Variants in AKAP13 observed in about 807,000 individuals in gnomAD.
AKAP13 encodes A-kinase anchor protein 13.
AKAP13 carries 80 observed loss-of-function variants against 264.5 expected under a neutral mutation model. The observed-to-expected ratio is 0.30, with a 90% CI of 0.25 to 0.36. The LOEUF (loss-of-function observed/expected upper bound fraction) is 0.36. AKAP13 is among the 10% of genes least tolerant of loss of function. AKAP13 has a pLI of 1.00. For missense variants in AKAP13, 3,712 were observed against 3,435.2 expected (o/e 1.08, Z -2.01); for synonymous variants, 1,380 against 1,250.2 (o/e 1.10, Z -2.19).
chr15:85,475,962 T>A (rs2075149473), intron 1 of AKAP13, among the ~76,000 whole-genome samples: 1 of 152,028 alleles, frequency 6.6e-6, no homozygotes, highest in Admixed American at 6.5e-5. Context: ...ACAGGAGACA[T>A]CTGCAATGCA....
At chr15:85,451,751 G>T (rs1225507415) in intron 1 of AKAP13, among the ~76,000 whole-genome samples, 1 of 152,190 alleles carries the variant, frequency 6.6e-6, no homozygotes, top group African/African-American at 2.4e-5. Flanking sequence ...GCCTGATGGG[G>T]ATCCCTTTGC....
chr15:85,733,314 A>G (rs73454485), intron 30 of AKAP13, among the ~76,000 whole-genome samples: 5,155 of 152,144 alleles, frequency 0.034, 280 homozygotes, highest in African/African-American at 0.12. Flanking sequence ...TTTCTGGCAT[A>G]AAGTATTGCC....
intron 3 of AKAP13, among the ~76,000 whole-genome samples, chr15:85,525,722 G>A (rs1381134062): frequency 6.6e-6 from 1 of 152,108 alleles, no homozygotes; most frequent in Non-Finnish European, 1.5e-5. Context: ...TTCCTCTAAA[G>A]CTGAGATTTG....
At chr15:85,404,205 A>G (rs113615900) in intron 1 of AKAP13, among the ~76,000 whole-genome samples, 17 of 152,226 alleles carry the variant, frequency 1.1e-4, no homozygotes, top group Admixed American at 3.3e-4. Flanking sequence ...GATAAGGTCA[A>G]TAGCATAGTT....
chr15:85,635,221 A>G (rs2082020855), intron 8 of AKAP13: 3 of 396,828 alleles, frequency 7.6e-6, no homozygotes, highest in African/African-American at 2.1e-5. Context: ...ATCTTTGCCA[A>G]CATTTGGTAT....
chr15:85,549,919 C>CTGATTGAT (rs199697951), intron 5 of AKAP13, among the ~76,000 whole-genome samples: 4 of 151,972 alleles, frequency 2.6e-5, no homozygotes, highest in African/African-American at 9.7e-5. Context: ...ATTGTCATCT[C>CTGATTGAT]TGATTGATTG....
chr15:85,441,319 A>C (rs2073644420), intron 1 of AKAP13, among the ~76,000 whole-genome samples: 2 of 152,064 alleles, frequency 1.3e-5, no homozygotes, highest in South Asian at 4.2e-4. Flanking sequence ...GTGTCTGTTC[A>C]AACCTTTTGC....
chr15:85,684,074 T>C (rs1435000470), intron 15 of AKAP13, among the ~76,000 whole-genome samples: 1 of 152,212 alleles, frequency 6.6e-6, no homozygotes, highest in Non-Finnish European at 1.5e-5. Flanking sequence ...AGTCATAAGA[T>C]TCCTTGGTTT....
chr15:85,635,412 CT>C (rs1222398499), intron 8 of AKAP13, among the ~76,000 whole-genome samples: 1 of 151,946 alleles, frequency 6.6e-6, no homozygotes, highest in East Asian at 1.9e-4. Context: ...AATCATGTTG[CT>C]TTGTTACTGC....
chr15:85,403,548 A>C (rs1367749208), intron 1 of AKAP13, among the ~76,000 whole-genome samples: 1 of 152,146 alleles, frequency 6.6e-6, no homozygotes, highest in Admixed American at 6.5e-5. Context: ...AGCATTTAAA[A>C]GCTGATGTGA....
intron 2 of AKAP13, among the ~76,000 whole-genome samples, chr15:85,512,047 T>G (rs930542912): frequency 2.7e-5 from 4 of 146,684 alleles, no homozygotes; most frequent in African/African-American, 9.9e-5. Context: ...TAAGACTGTC[T>G]TTTTTTTTTT....
chr15:85,665,079 T>G (rs2083515285), intron 13 of AKAP13, among the ~76,000 whole-genome samples: 1 of 151,992 alleles, frequency 6.6e-6, no homozygotes, highest in African/African-American at 2.4e-5. Context: ...GGTTTGTGCT[T>G]GTAGTTCCAG....
chr15:85,597,559 C>T (rs1430485319), intron 8 of AKAP13, among the ~76,000 whole-genome samples: 2 of 152,290 alleles, frequency 1.3e-5, no homozygotes, highest in Middle Eastern at 3.4e-3. Flanking sequence ...TGAATGTGTA[C>T]GCTTGATCCC....
chr15:85,535,230 C>G (rs2151194359), intron 4 of AKAP13: 1 of 152,352 alleles, frequency 6.6e-6, no homozygotes, highest in East Asian at 1.9e-4. Flanking sequence ...ATTTTGTCTT[C>G]TTCCATGGAA....
At chr15:85,616,313 G>C (rs980247856) in intron 8 of AKAP13, among the ~76,000 whole-genome samples, 1 of 152,164 alleles carries the variant, frequency 6.6e-6, no homozygotes, top group Non-Finnish European at 1.5e-5. Flanking sequence ...AATTTGGTAA[G>C]GTGCTAGATC....
chr15:85,717,349 C>T lies in AKAP13; in HGVS notation c.5795C>T (p.Ser1932Leu). ...TWKFLSHSTD[S>L]LNKISKVNES... ...AAATTCCTGTCTCATTCAACAGACT[C>T]ACTAAATAAAATCAGCAAGGTCAAT... is the stretch of plus-strand genomic sequence containing the variant. The change falls in exon 21 of 37, where the codon TCA (serine) becomes TTA (leucine). Residue 1932 changes from serine (S) to leucine (L), a missense_variant. Coordinates refer to ENST00000394518, the MANE Select transcript of AKAP13 (RefSeq NM_007200.5). 1.2e-6 allele frequency: 2 copies of T among 1,613,320 alleles called. No individual in the cohort carries two copies. Among genetic ancestry groups the T allele is most frequent in the South Asian group, 1.1e-5 (1 of 90,872 alleles).
At chr15:85,425,480 C>T (rs1403361576) in intron 1 of AKAP13, among the ~76,000 whole-genome samples, 1 of 152,022 alleles carries the variant, frequency 6.6e-6, no homozygotes, top group Non-Finnish European at 1.5e-5. Flanking sequence ...CTTTGGGAGG[C>T]CAAGGTGGGC....
Position 85,646,433 on chromosome 15 carries a change from CAAAA to C in AKAP13, c.4374+484_4374+487del, listed in dbSNP as rs71141473. Among the ~76,000 whole-genome samples the C allele has an allele frequency of 3.8e-3, 575 of 150,678 alleles. 1 individual carries two copies. Among genetic ancestry groups the C allele is most frequent in the Admixed American group, 7.6e-3 (115 of 15,186 alleles). On this transcript the variant is annotated intron_variant, in intron 10 of 36. Transcript: ENST00000394518. ...CAGAGCGAGACTCTGTCTCCAAAAA[CAAAA>C]AAAAGGGAAAGAAAAAAGCATTGGC...
At chr15:85,726,358 A>T in intron 26 of AKAP13, 52 bp from the exon 27 acceptor site, 1 of 1,470,632 alleles carries the variant, frequency 6.8e-7, no homozygotes, top group African/African-American at 1.4e-5. Context: ...ACTGTGGGTA[A>T]CTATTAAGTA....
Sources: allele counts gnomAD v4.1 joint callset (sites outside exome capture counted in the v4.1 genomes callset), GRCh38; gene constraint gnomAD v4.1.1; transcripts MANE v1.5; gene names NCBI Gene and HGNC (gene_info 2026-07-23, HGNC 2026-07-21).